Variants in CYP19A1 observed in about 807,000 individuals in gnomAD.
The protein encoded by CYP19A1 is aromatase.
In CYP19A1, 32 loss-of-function variants were observed where a neutral mutation model predicts 44.4. That is an observed-to-expected ratio of 0.72 (90% CI 0.54 to 0.97). The LOEUF (loss-of-function observed/expected upper bound fraction) is 0.97, where lower values mean the gene tolerates loss of function less well. Among genes scored for constraint, CYP19A1 ranks in the 50% least tolerant of loss-of-function variants. CYP19A1 has a pLI of 0.00. For synonymous variants in CYP19A1, 212 were observed against 215.6 expected, an observed-to-expected ratio of 0.98 and a Z score of 0.14; for missense variants, 598 against 637.8, an observed-to-expected ratio of 0.94 and a Z score of 0.67.
chr15:51,246,572 G>T (rs2034065590), intron 1 of CYP19A1, among the ~76,000 whole-genome samples: 1 of 152,172 alleles, frequency 6.6e-6, no homozygotes, highest in South Asian at 2.1e-4. Context: ...CCTGAGTCAG[G>T]GCAAAAACCT....
At chr15:51,317,985 C>A (rs1048637422) in intron 1 of CYP19A1, among the ~76,000 whole-genome samples, 5 of 152,078 alleles carry the variant, frequency 3.3e-5, no homozygotes, top group Non-Finnish European at 7.4e-5. Flanking sequence ...ATCTCCCCAC[C>A]CCCATCACAC....
chr15:51,305,257 A>G (rs2036193764), intron 1 of CYP19A1, among the ~76,000 whole-genome samples: 1 of 152,184 alleles, frequency 6.6e-6, no homozygotes, highest in Non-Finnish European at 1.5e-5. Context: ...TCACTGCATT[A>G]AGGAATGTGT....
intron 8 of CYP19A1, among the ~76,000 whole-genome samples, chr15:51,213,594 T>A (rs1267332169): frequency 6.6e-6 from 1 of 152,142 alleles, no homozygotes. Context: ...AGGAAGTAGT[T>A]AGCGAGTCTG....
intron 2 of CYP19A1, among the ~76,000 whole-genome samples, 170 bp downstream of exon 2, chr15:51,242,598 A>AT (rs1231594658): frequency 6.6e-6 from 1 of 152,168 alleles, no homozygotes; most frequent in Non-Finnish European, 1.5e-5. Flanking sequence ...AAATGTGCAG[A>AT]TAATTGGTCT....
At chr15:51,322,667 A>C (rs139732802) in intron 1 of CYP19A1, among the ~76,000 whole-genome samples, 1 of 152,092 alleles carries the variant, frequency 6.6e-6, no homozygotes, top group Non-Finnish European at 1.5e-5. Context: ...CCATCCTTGC[A>C]TCACCCCCAC....
chr15:51,217,843 G>T (rs553368752), intron 6 of CYP19A1, among the ~76,000 whole-genome samples: 1 of 152,120 alleles, frequency 6.6e-6, no homozygotes, highest in Non-Finnish European at 1.5e-5. Context: ...CAAAACAGGA[G>T]TTCCTGTTTC....
At chr15:51,248,356 C>T (rs1404077926) in intron 1 of CYP19A1, among the ~76,000 whole-genome samples, 1 of 152,208 alleles carries the variant, frequency 6.6e-6, no homozygotes, top group African/African-American at 2.4e-5. Flanking sequence ...GGGAGCTAGT[C>T]ACTTGTGTTC....
rs768117676 is a variant in CYP19A1, at chr15:51,222,542, A to G, written c.452-17T>C. 1.2e-6 allele frequency: 2 copies of G among 1,609,664 alleles called. No individual in the cohort carries two copies. Among genetic ancestry groups the G allele is most frequent in the South Asian group, 1.1e-5 (1 of 90,688 alleles). On this transcript the variant is annotated splice_polypyrimidine_tract_variant and intron_variant, in intron 4 of 9. Coordinates refer to ENST00000396402, the MANE Select transcript of CYP19A1 (RefSeq NM_000103.4). Reference sequence around the variant, plus strand: ...CTGACAGAGCTGCAGAGTACACATCAGAGAATCAGCCATCACGAACTCCAG... The same window carrying G: ...CTGACAGAGCTGCAGAGTACACATCGGAGAATCAGCCATCACGAACTCCAG...
chr15:51,215,796 T>C lies in CYP19A1; in HGVS notation c.765A>G (p.Ile255Met), dbSNP rs754773353. 27 of 1,613,882 alleles carry C rather than the reference T, an allele frequency of 1.7e-5. No homozygotes were observed. The South Asian group carries it at 3.0e-4, about 18-fold the overall frequency. ...EKSVKDLKDA[I>M]EVLIAEKRRR... ...GTCTTTTTTCTGCTATCAGAACTTC[T>C]ATGGCATCTTTCAAATCCTTGCTGG... is the stretch of plus-strand genomic sequence containing the variant. The change falls in exon 7 of 10, where the codon ATA becomes ATG. Residue 255 changes from isoleucine (I) to methionine (M), a missense_variant. By Grantham distance (10) the Ile-to-Met change is conservative. Transcript: ENST00000396402.
chr15:51,296,759 G>C (rs1160992712), intron 1 of CYP19A1, among the ~76,000 whole-genome samples: 3 of 152,092 alleles, frequency 2.0e-5, no homozygotes, highest in Admixed American at 2.0e-4. Context: ...GGTGTTCTTA[G>C]TGGGTCCTTC....
chr15:51,239,046 GAGA>G lies in CYP19A1; in HGVS notation c.146-2040_146-2038del, dbSNP rs569298186. On this transcript the variant is annotated intron_variant, in intron 2 of 9. Transcript: ENST00000396402. ...GCCTTCTACCCACCCTCCAGCTGGA[GAGA>G]AGAATGCTGGAGGAAGGTAGAAACT... Among the ~76,000 whole-genome samples the G allele has an allele frequency of 1.1e-3, 173 of 152,202 alleles. 1 individual carries two copies. The highest frequency in any genetic ancestry group is 1.9e-3 in the Non-Finnish European group (129 of 67,994).
In CYP19A1 at chr15:51,215,198, T is replaced by C. The variant is rs996782674; in HGVS notation, c.893A>G (p.Gln298Arg). 1 of 1,613,994 alleles carries C rather than the reference T, an allele frequency of 6.2e-7. No homozygotes were observed. Among genetic ancestry groups the C allele is most frequent in the African/African-American group, 1.3e-5 (1 of 74,912 alleles). The change falls in exon 8 of 10, where the codon CAG becomes CGG. Residue 298 changes from glutamine (Q) to arginine (R), a missense_variant. Gln to Arg is a conservative substitution (Grantham distance 43). Transcript: ENST00000396402. ...RGDLTRENVN[Q>R]CILEMLIAAP... ...TGCGATCAGCATTTCCAATATGCACTGGTTCACATTCTCTCTTGTCAGGTC... is the reference window on the plus strand; with the variant it reads ...TGCGATCAGCATTTCCAATATGCACCGGTTCACATTCTCTCTTGTCAGGTC...
At chr15:51,217,429 T>C (rs2031681208) in intron 6 of CYP19A1, among the ~76,000 whole-genome samples, 1 of 152,234 alleles carries the variant, frequency 6.6e-6, no homozygotes, top group Admixed American at 6.5e-5. Context: ...TCTATTAGTT[T>C]TCAAGTCACA....
intron 1 of CYP19A1, among the ~76,000 whole-genome samples, chr15:51,263,726 C>T (rs2034814843): frequency 6.6e-6 from 1 of 152,188 alleles, no homozygotes; most frequent in Non-Finnish European, 1.5e-5. Flanking sequence ...CCAATGGACC[C>T]ATCCAATCCT....
chr15:51,283,161 G>T lies in CYP19A1; in HGVS notation c.-38-40211C>A, dbSNP rs763222614. ...TGAGGAAGAGGAGGACGAGTGTAAA[G>T]AACTAATTTCAGATTCTGAATGTGA... On this transcript the variant is annotated intron_variant, in intron 1 of 9. Coordinates refer to ENST00000396402, the MANE Select transcript of CYP19A1 (RefSeq NM_000103.4). Among the ~76,000 whole-genome samples, 309 of 115,368 alleles carry T rather than the reference G, an allele frequency of 2.7e-3. 2 individuals carry two copies. Among genetic ancestry groups the T allele is most frequent in the Non-Finnish European group, 3.4e-3 (185 of 54,206 alleles). 75.7% of individuals were successfully genotyped at this position (115,368 alleles called of 152,430 possible).
At chr15:51,289,387 A>T (rs2035789780) in intron 1 of CYP19A1, among the ~76,000 whole-genome samples, 1 of 152,142 alleles carries the variant, frequency 6.6e-6, no homozygotes, top group Admixed American at 6.5e-5. Context: ...CTGGGCATGG[A>T]GCAGCTCTCC....
chr15:51,211,704 C>T (rs1178387743), intron 9 of CYP19A1: 1 of 436,150 alleles, frequency 2.3e-6, no homozygotes, highest in Admixed American at 2.6e-5. Flanking sequence ...AAAAAGGGCA[C>T]TTAGGGAACT....
chr15:51,215,665 T>C (rs1415655953), intron 7 of CYP19A1, 38 bp downstream of exon 7: 3 of 1,613,824 alleles, frequency 1.9e-6, no homozygotes, highest in Non-Finnish European at 2.5e-6. Flanking sequence ...AGTCATAACA[T>C]ATGTGGCATG....
At chr15:51,251,435 T>G (rs2034305602) in intron 1 of CYP19A1, among the ~76,000 whole-genome samples, 1 of 152,180 alleles carries the variant, frequency 6.6e-6, no homozygotes, top group Non-Finnish European at 1.5e-5. Context: ...TAAGTTCTTG[T>G]AACGGCAGAA....
Sources: gnomAD v4.1 joint callset for allele counts (sites outside exome capture counted in the v4.1 genomes callset) on GRCh38, gnomAD v4.1.1 for gene constraint, MANE v1.5 for transcripts, NCBI Gene and HGNC (gene_info 2026-07-23, HGNC 2026-07-21) for gene names.